DAAM2: variants seen among roughly 807,000 people sequenced by gnomAD.
DAAM2 encodes the protein dishevelled associated activator of morphogenesis 2, also known as disheveled-associated activator of morphogenesis 2.
In DAAM2, 39 loss-of-function variants were observed where a neutral mutation model predicts 120.7. The ratio of observed to expected loss-of-function variants is 0.32; its 90% confidence interval spans 0.25 to 0.42. The LOEUF is 0.42. Ranked by LOEUF, DAAM2 falls within the 10% of genes least tolerant of loss-of-function variation. The pLI, the probability that DAAM2 is intolerant of heterozygous loss-of-function variation, is 1.00. For missense variants in DAAM2, 1,283 were observed against 1,401.7 expected, an observed-to-expected ratio of 0.92 and a Z score of 1.35; for synonymous variants, 488 against 524.9, an observed-to-expected ratio of 0.93 and a Z score of 0.96.
At chr6:39,891,582 C>G in intron 18 of DAAM2, 52 bp from the exon 19 acceptor site, 1 of 1,560,136 alleles carries the variant, frequency 6.4e-7, no homozygotes, top group Non-Finnish European at 8.7e-7. Context: ...GGAGCTGGGG[C>G]TGGCCAGGAT....
intron 1 of DAAM2, among the ~76,000 whole-genome samples, chr6:39,838,892 C>G (rs556086614): frequency 6.6e-6 from 1 of 152,134 alleles, no homozygotes; most frequent in East Asian, 1.9e-4. Context: ...CTCCTGACCG[C>G]AAGTGACCCA....
Position 39,898,949 on chromosome 6 carries a change from G to C in DAAM2, c.2679+12G>C, listed in dbSNP as rs771327518. On this transcript the variant is annotated intron_variant, in intron 22 of 24. Coordinates refer to ENST00000274867, the MANE Select transcript of DAAM2 (RefSeq NM_001201427.2). ...GAGCGGTGGAGGTGGTGAGTACCTT[G>C]TCAGTGCCTACCTGGGTGAGGGCTG... 5 of 1,606,432 alleles carry C rather than the reference G, an allele frequency of 3.1e-6. No homozygotes were observed. Among genetic ancestry groups the C allele is most frequent in the Non-Finnish European group, 4.3e-6 (5 of 1,175,840 alleles).
chr6:39,846,410 T>C (rs1330276786), intron 1 of DAAM2, among the ~76,000 whole-genome samples: 1 of 152,204 alleles, frequency 6.6e-6, no homozygotes, highest in African/African-American at 2.4e-5. Context: ...CTAGACAATA[T>C]GTAGTTTGAC....
intron 2 of DAAM2, among the ~76,000 whole-genome samples, chr6:39,858,470 G>C (rs1386353458): frequency 6.6e-6 from 1 of 152,142 alleles, no homozygotes; most frequent in African/African-American, 2.4e-5. Flanking sequence ...AGGAATCAAA[G>C]AATACCCTGG....
Position 39,896,987 on chromosome 6 carries a change from A to C in DAAM2, c.2510+7A>C. ...CCAAGTCCAGCATCGACAGGTGAGG[A>C]CCTCCCTTCCCGGCCACTTCCTTGG... On this transcript the variant is annotated splice_region_variant and intron_variant, in intron 20 of 24. Coordinates refer to ENST00000274867, the MANE Select transcript of DAAM2 (RefSeq NM_001201427.2). The C allele has an allele frequency of 6.2e-7, 1 of 1,601,374 alleles. No individual in the cohort carries two copies. The highest frequency in any genetic ancestry group is 8.5e-7 in the Non-Finnish European group (1 of 1,173,980).
At chr6:39,813,800 T>A (rs1418593706) in intron 1 of DAAM2, among the ~76,000 whole-genome samples, 1 of 152,190 alleles carries the variant, frequency 6.6e-6, no homozygotes, top group East Asian at 1.9e-4. Flanking sequence ...GTTTCCAGTC[T>A]TTTCTCTCCA....
intron 11 of DAAM2, among the ~76,000 whole-genome samples, chr6:39,877,725 ATT>A: frequency 6.6e-6 from 1 of 152,318 alleles, no homozygotes; most frequent in African/African-American, 2.4e-5. Context: ...CTCTGAACAC[ATT>A]CAGTCTGTAT....
chr6:39,835,572 G>T (rs958162070), intron 1 of DAAM2, among the ~76,000 whole-genome samples: 4 of 152,236 alleles, frequency 2.6e-5, no homozygotes, highest in Non-Finnish European at 5.9e-5. Flanking sequence ...CAGAGTTGGT[G>T]CTCAGAGAAC....
Position 39,875,419 on chromosome 6 carries a change from C to T in DAAM2, c.1252C>T (p.Pro418Ser). 1 of 1,613,950 alleles carries T rather than the reference C, an allele frequency of 6.2e-7. No homozygotes were observed. Residue 418 changes from proline to serine, a missense_variant, in exon 11 of 25, where the codon CCT becomes TCT. Physicochemically the swap from Pro to Ser is moderately conservative, Grantham distance 74. This residue lies in a region of DAAM2 where 338 missense variants were observed against 443.9 expected (regional missense o/e 0.76). Coordinates refer to ENST00000274867, the MANE Select transcript of DAAM2 (RefSeq NM_001201427.2). ...CCTCCAGGATGAGCGGGGTGTGGAC[C>T]CTGACCTGGCTCCCTTGGAGAACTT... is the stretch of plus-strand genomic sequence containing the variant. Reference protein sequence around the residue: ...IVLQDERGVDPDLAPLENFNV... With the variant: ...IVLQDERGVDSDLAPLENFNV...
chr6:39,847,929 A>G (rs1478379785), intron 1 of DAAM2, among the ~76,000 whole-genome samples: 2 of 152,104 alleles, frequency 1.3e-5, no homozygotes, highest in Admixed American at 1.3e-4. Context: ...CCTGGCACTC[A>G]AGGCCCTCCT....
intron 1 of DAAM2, among the ~76,000 whole-genome samples, chr6:39,851,310 C>A (rs1763798572): frequency 1.3e-5 from 2 of 152,194 alleles, no homozygotes; most frequent in Admixed American, 6.5e-5. Context: ...CCCTAACTAG[C>A]TATGTGACCT....
At position 39,884,044 on chromosome 6, in the gene DAAM2, T is replaced by G. The variant is rs748334473; in HGVS notation, c.1928T>G (p.Met643Arg). ...CTGGACCTAGAGGATTTTGAAAAGA[T>G]GTTTTCAGCCTACCAGAGGCACCAG... is the stretch of plus-strand genomic sequence containing the variant. ...RILDLEDFEK[M>R]FSAYQRHQKE... The change falls in exon 15 of 25, where the codon ATG (methionine) becomes AGG (arginine). Residue 643 changes from methionine to arginine, a missense_variant. By Grantham distance (91) the Met-to-Arg change is moderately conservative (BLOSUM62 -1). Transcript: ENST00000274867. 4.4e-6 allele frequency: 7 copies of G among 1,609,060 alleles called. No individual in the cohort carries two copies. In the South Asian group the frequency reaches 5.5e-5, roughly 13 times the overall value.
At position 39,897,220 on chromosome 6, in the gene DAAM2, T is replaced by C. The variant is rs774694595; in HGVS notation, c.2556T>C (p.His852=). The C allele has an allele frequency of 1.9e-6, 3 of 1,613,612 alleles. No individual in the cohort carries two copies. Among genetic ancestry groups the C allele is most frequent in the East Asian group, 4.5e-5 (2 of 44,860 alleles). ...LHYLIMILEK[H]FPDILNMPSE... ...ACCTGATCATGATCCTGGAGAAGCATTTTCCTGATATTCTAAACATGCCTT... is the reference window on the plus strand; with the variant it reads ...ACCTGATCATGATCCTGGAGAAGCACTTTCCTGATATTCTAAACATGCCTT... The change falls in exon 21 of 25, where the codon CAT becomes CAC. Residue 852 remains histidine (H), a synonymous_variant. Coordinates refer to ENST00000274867, the MANE Select transcript of DAAM2 (RefSeq NM_001201427.2).
intron 1 of DAAM2, among the ~76,000 whole-genome samples, chr6:39,805,847 C>G (rs949847974): frequency 6.6e-6 from 1 of 152,112 alleles, no homozygotes; most frequent in African/African-American, 2.4e-5. Context: ...CCACCGTGCC[C>G]GGCCCCTAAG....
At chr6:39,854,672 A>G (rs940967517) in intron 1 of DAAM2, among the ~76,000 whole-genome samples, 3 of 152,236 alleles carry the variant, frequency 2.0e-5, no homozygotes, top group East Asian at 3.8e-4. Flanking sequence ...TTCACTAGGA[A>G]CAAATTATGC....
intron 1 of DAAM2, among the ~76,000 whole-genome samples, chr6:39,799,185 A>G (rs1480158068): frequency 6.6e-6 from 1 of 152,048 alleles, no homozygotes; most frequent in Non-Finnish European, 1.5e-5. Context: ...CAACACTTCT[A>G]GGGGGTAGCC....
At chr6:39,835,431 A>G (rs1400404875) in intron 1 of DAAM2, among the ~76,000 whole-genome samples, 1 of 152,234 alleles carries the variant, frequency 6.6e-6, no homozygotes, top group African/African-American at 2.4e-5. Context: ...GACTTGAGGA[A>G]CATGAGCTGG....
At chr6:39,835,220 G>A (rs759552587) in intron 1 of DAAM2, among the ~76,000 whole-genome samples, 1 of 152,252 alleles carries the variant, frequency 6.6e-6, no homozygotes, top group Non-Finnish European at 1.5e-5. Context: ...GGTCCAGGTA[G>A]TGACTGAAGA....
intron 1 of DAAM2, among the ~76,000 whole-genome samples, chr6:39,852,617 C>T (rs1478116495): frequency 6.6e-6 from 1 of 152,190 alleles, no homozygotes; most frequent in African/African-American, 2.4e-5. Context: ...CTAGTGTCGC[C>T]CAGTGTGCTC....
Sources: allele counts gnomAD v4.1 joint callset (sites outside exome capture counted in the v4.1 genomes callset), GRCh38; gene constraint gnomAD v4.1.1; regional missense constraint gnomAD v4.1.1; transcripts MANE v1.5; gene names NCBI Gene and HGNC (gene_info 2026-07-23, HGNC 2026-07-21).